UPF1: variants seen among roughly 807,000 people sequenced by gnomAD.
UPF1 encodes the protein UPF1 RNA helicase and ATPase.
In UPF1, 9 loss-of-function variants were observed where a neutral mutation model predicts 129.2. The observed-to-expected ratio is 0.07, with a 90% CI of 0.04 to 0.12. UPF1 has a LOEUF of 0.12. Ranked by LOEUF, UPF1 falls within the 10% of genes least tolerant of loss-of-function variation. The pLI is 1.00. For missense variants in UPF1, 788 were observed against 1,525.3 expected (o/e 0.52, Z 8.05); for synonymous variants, 649 against 644.9 (o/e 1.01, Z -0.10).
chr19:18,850,610 C>A lies in UPF1; in HGVS notation c.630-78C>A. On this transcript the variant is annotated intron_variant, in intron 4 of 23. Coordinates refer to ENST00000262803, the MANE Select transcript of UPF1 (RefSeq NM_002911.4). The surrounding 1 kb of genome is among the most constrained non-coding windows in gnomAD (Gnocchi z 7.1). ...GGGCATGCCCCTTTGGGTGAAAGGT[C>A]AGCATGGGAGGGGGCCCTCCCTGCT... 1 of 1,448,262 alleles carries A rather than the reference C, an allele frequency of 6.9e-7. No homozygotes were observed. Among genetic ancestry groups the A allele is most frequent in the South Asian group, 1.4e-5 (1 of 69,814 alleles). 89.7% of individuals were successfully genotyped at this position (1,448,262 alleles called of 1,614,324 possible).
chr19:18,840,784 G>C (rs1332561152), intron 1 of UPF1, among the ~76,000 whole-genome samples: 2 of 152,218 alleles, frequency 1.3e-5, no homozygotes, highest in Non-Finnish European at 2.9e-5. Context: ...CTGGGTCCTG[G>C]AGTCTGGTGG....
At chr19:18,834,034 TCTC>T (rs1445143484) in intron 1 of UPF1, among the ~76,000 whole-genome samples, 1 of 152,146 alleles carries the variant, frequency 6.6e-6, no homozygotes, top group Non-Finnish European at 1.5e-5. Context: ...AGAGGAGAGT[TCTC>T]CTGAAGAAGG....
chr19:18,848,057 G>T (rs192882104), intron 3 of UPF1: 2 of 463,744 alleles, frequency 4.3e-6, no homozygotes, highest in Non-Finnish European at 7.7e-6. Context: ...ATGCAAGTAG[G>T]GTTGGCTTAA....
chr19:18,864,149 C>T, intron 19 of UPF1, 21 bp from the exon 20 acceptor site: 1 of 1,611,256 alleles, frequency 6.2e-7, no homozygotes, highest in Non-Finnish European at 8.5e-7. Context: ...ACAAATTCCT[C>T]ACCTATCTAA....
At chr19:18,866,494 G>C (rs1262776773) in intron 23 of UPF1, 27 bp from the exon 24 acceptor site, 1 of 277,136 alleles carries the variant, frequency 3.6e-6, no homozygotes, top group Non-Finnish European at 6.7e-6. Flanking sequence ...GCCTCTCACC[G>C]CCTCCTGCCC....
At position 18,857,192 on chromosome 19, in the gene UPF1, G is replaced by A. The variant is rs750799641; in HGVS notation, c.1969-128G>A. The stretch of plus-strand genomic sequence containing the variant: ...TCTGCCAGCTGCACGTCCAGTGTGC[G>A]TGGTGAGCAATGCCCCTGTGGCCAG... On this transcript the variant is annotated intron_variant, in intron 14 of 23. Transcript: ENST00000262803. 3.4e-6 allele frequency: 5 copies of A among 1,461,736 alleles called. No homozygotes were observed. The African/African-American group carries it at 4.2e-5, about 12-fold the overall frequency. 90.5% of individuals were successfully genotyped at this position (1,461,736 alleles called of 1,614,324 possible). A position where few individuals can be genotyped will look rare whatever the true frequency, so the allele number is the denominator to read the frequency against.
Position 18,865,216 on chromosome 19 carries a change from G to A in UPF1, c.2858-73G>A. 3.3e-6 allele frequency: 5 copies of A among 1,496,230 alleles called. No homozygotes were observed. Among genetic ancestry groups the A allele is most frequent in the Admixed American group, 2.0e-5 (1 of 49,000 alleles). The allele number at this position is 1,496,230 out of a possible 1,614,324, so 92.7% of individuals were successfully genotyped here. A position where few individuals can be genotyped will look rare whatever the true frequency, so the allele number is the denominator to read the frequency against. ...ATGTGCAGCTCCGGCTGACTGGCTGGTGGGGTGGGTGGGGTATCGCTGGGG... is the reference window on the plus strand; with the variant it reads ...ATGTGCAGCTCCGGCTGACTGGCTGATGGGGTGGGTGGGGTATCGCTGGGG... On this transcript the variant is annotated intron_variant, in intron 20 of 23. Coordinates refer to ENST00000262803, the MANE Select transcript of UPF1 (RefSeq NM_002911.4). The surrounding 1 kb of genome is among the most constrained non-coding windows in gnomAD (Gnocchi z 6.1).
chr19:18,847,859 GTTTAAT>G, intron 3 of UPF1, 26 bp downstream of exon 3: 1 of 1,603,618 alleles, frequency 6.2e-7, no homozygotes, highest in African/African-American at 1.3e-5. Context: ...ATGCATGTGT[GTTTAAT>G]CAGTGCTGTG....
chr19:18,837,391 G>T (rs1054234971), intron 1 of UPF1, among the ~76,000 whole-genome samples: 4 of 152,202 alleles, frequency 2.6e-5, no homozygotes, highest in African/African-American at 9.7e-5. Context: ...CCTGGCAAAA[G>T]TGCTGCCTGG....
rs2055647250 is a variant in UPF1, at chr19:18,850,537, A to G, written c.630-151A>G. 6 of 924,826 alleles carry G rather than the reference A, an allele frequency of 6.5e-6. No homozygotes were observed. Among genetic ancestry groups the G allele is most frequent in the South Asian group, 5.7e-5 (3 of 52,608 alleles). 57.3% of individuals were successfully genotyped at this position (924,826 alleles called of 1,614,324 possible). ...GAGCTCAAGTGCACAGGGAGATGCG[A>G]TTTATTACTAACAGTTTGAAGGTAA... On this transcript the variant is annotated intron_variant, in intron 4 of 23. Transcript: ENST00000262803. This position sits in a 1 kb window ranked among gnomAD's most constrained non-coding sequence, Gnocchi z 7.1.
In UPF1 at chr19:18,865,994, G is replaced by C; in HGVS notation, c.3238-50G>C. ...TGGGGCTGCTGAGGGCTGGGTGGAT[G>C]TGAGCACCCTTGGCCTGTGGCTTGC... On this transcript the variant is annotated intron_variant, in intron 22 of 23. Coordinates refer to ENST00000262803, the MANE Select transcript of UPF1 (RefSeq NM_002911.4). The surrounding 1 kb of genome is among the most constrained non-coding windows in gnomAD (Gnocchi z 6.1). 1 of 1,609,710 alleles carries C rather than the reference G, an allele frequency of 6.2e-7. No homozygotes were observed. Among genetic ancestry groups the C allele is most frequent in the Non-Finnish European group, 8.5e-7 (1 of 1,178,836 alleles).
intron 1 of UPF1, among the ~76,000 whole-genome samples, chr19:18,839,155 G>C (rs528964266): frequency 6.6e-6 from 1 of 152,076 alleles, no homozygotes; most frequent in African/African-American, 2.4e-5. Flanking sequence ...GCAGTGGCGC[G>C]ATCTTGGCTC....
Position 18,864,240 on chromosome 19 carries a change from G to A in UPF1, c.2846G>A (p.Arg949Gln), listed in dbSNP as rs1388907949. 2 of 1,612,726 alleles carry A rather than the reference G, an allele frequency of 1.2e-6. No individual in the cohort carries two copies. Among genetic ancestry groups the A allele is most frequent in the Non-Finnish European group, 1.7e-6 (2 of 1,179,112 alleles). The change falls in exon 20 of 24, where the codon CGG (arginine) becomes CAG (glutamine). Residue 949 changes from arginine (R) to glutamine (Q), a missense_variant. Physicochemically the swap from Arg to Gln is conservative, Grantham distance 43 (BLOSUM62 1). Coordinates refer to ENST00000262803, the MANE Select transcript of UPF1 (RefSeq NM_002911.4). Reference sequence around the variant, plus strand: ...ATCATCCCAGGCTCCGTCTATGATCGGAGCAGCCAGGGTGAGTCGCTCAGC... The same window carrying A: ...ATCATCCCAGGCTCCGTCTATGATCAGAGCAGCCAGGGTGAGTCGCTCAGC... ...EAIIPGSVYD[R>Q]SSQGRPSSMY...
rs181365321 is a variant in UPF1, at chr19:18,851,009, C to T, written c.810+141C>T. On this transcript the variant is annotated intron_variant, in intron 5 of 23. Transcript: ENST00000262803. This position sits in a 1 kb window ranked among gnomAD's most constrained non-coding sequence, Gnocchi z 4.2. Reference sequence around the variant, plus strand: ...TTCAGGCAGACCTCTGCCACCTCTACGTGGAATGACCTCAGGGCACCTTGG... The same window carrying T: ...TTCAGGCAGACCTCTGCCACCTCTATGTGGAATGACCTCAGGGCACCTTGG... 118 of 1,087,890 alleles carry T rather than the reference C, an allele frequency of 1.1e-4. 1 individual carries two copies. The African/African-American group carries it at 1.2e-3, about 11-fold the overall frequency. 67.4% of individuals were successfully genotyped at this position (1,087,890 alleles called of 1,614,324 possible). A position where few individuals can be genotyped will look rare whatever the true frequency, so the allele number is the denominator to read the frequency against.
Position 18,855,117 on chromosome 19 carries a change from A to G in UPF1, c.1426-7A>G, listed in dbSNP as rs775454798. 3.7e-6 allele frequency: 6 copies of G among 1,613,750 alleles called. No individual in the cohort carries two copies. The highest frequency in any genetic ancestry group is 1.3e-5 in the African/African-American group (1 of 74,940). On this transcript the variant is annotated splice_polypyrimidine_tract_variant and splice_region_variant and intron_variant, in intron 10 of 23. Transcript: ENST00000262803. ...GAGGCTGCCCCTAACGGCCGCTTGT[A>G]TTGAAGGTTTATGCCGTGAAGACTG...
At position 18,865,586 on chromosome 19, in the gene UPF1, T is replaced by C. The variant is rs780526324; in HGVS notation, c.3045T>C (p.Thr1015=). The C allele has an allele frequency of 3.1e-6, 5 of 1,613,928 alleles. No homozygotes were observed. In the Admixed American group the frequency reaches 8.3e-5, roughly 27 times the overall value. ...GGCGAGGCACCCCGAAAGGCAAGAC[T>C]GGTCGTGGGGGACGCCAGAAGAACC... ...AAGRGTPKGK[T]GRGGRQKNRF... The change falls in exon 22 of 24, where the codon ACT becomes ACC. Residue 1015 remains threonine (T), a synonymous_variant. Coordinates refer to ENST00000262803, the MANE Select transcript of UPF1 (RefSeq NM_002911.4). This position sits in a 1 kb window ranked among gnomAD's most constrained non-coding sequence, Gnocchi z 6.1.
chr19:18,841,598 C>T (rs2055541795), intron 1 of UPF1, among the ~76,000 whole-genome samples: 1 of 152,188 alleles, frequency 6.6e-6, no homozygotes, highest in Non-Finnish European at 1.5e-5. Flanking sequence ...CGCCAAGCTG[C>T]AGTCTGGCCT....
chr19:18,856,523 G>A lies in UPF1; in HGVS notation c.1824+223G>A, dbSNP rs578104633. On this transcript the variant is annotated intron_variant, in intron 13 of 23. Coordinates refer to ENST00000262803, the MANE Select transcript of UPF1 (RefSeq NM_002911.4). ...TCCACTCCCTGCCAGCCTCCACTGG[G>A]ATCCGGCAGTGGATCTAGAACACTC... Among the ~76,000 whole-genome samples, 308 of 152,268 alleles carry A rather than the reference G, an allele frequency of 2.0e-3. 1 individual carries two copies. Among genetic ancestry groups the A allele is most frequent in the Non-Finnish European group, 3.6e-3 (244 of 68,024 alleles).
At chr19:18,861,216 CAT>C (rs1446291458) in intron 17 of UPF1, among the ~76,000 whole-genome samples, 1 of 152,234 alleles carries the variant, frequency 6.6e-6, no homozygotes, top group Non-Finnish European at 1.5e-5. Context: ...GGATCAGAAA[CAT>C]GGGCTGAGAT....
Sources: gnomAD v4.1 joint callset for allele counts (sites outside exome capture counted in the v4.1 genomes callset) on GRCh38, gnomAD v4.1.1 for gene constraint, Gnocchi (gnomAD v3.1) non-coding constraint, MANE v1.5 for transcripts, NCBI Gene and HGNC (gene_info 2026-07-23, HGNC 2026-07-21) for gene names.